The following TNIK variants were observed in gnomAD, a reference collection of about 807,000 sequenced individuals.
TNIK encodes the protein TRAF2 and NCK interacting kinase.
TNIK carries 49 observed loss-of-function variants against 191.3 expected under a neutral mutation model. The observed-to-expected ratio is 0.26, with a 90% CI of 0.20 to 0.32. The LOEUF is 0.32. TNIK is among the 10% of genes least tolerant of loss of function. The pLI is 1.00. For synonymous variants in TNIK, 594 were observed against 600.9 expected (o/e 0.99, Z 0.17); for missense variants, 1,155 against 1,702.3 (o/e 0.68, Z 5.66).
At chr3:171,433,407 T>C (rs1725611005) in intron 1 of TNIK, among the ~76,000 whole-genome samples, 1 of 152,134 alleles carries the variant, frequency 6.6e-6, no homozygotes, top group African/African-American at 2.4e-5. Flanking sequence ...TCATACATAA[T>C]TGAGCAAACA....
At chr3:171,242,677 A>C (rs1361768432) in intron 2 of TNIK, among the ~76,000 whole-genome samples, 1 of 152,204 alleles carries the variant, frequency 6.6e-6, no homozygotes, top group African/African-American at 2.4e-5. Context: ...AATATACCTC[A>C]TGATATCCCA....
chr3:171,346,382 T>A lies in TNIK; in HGVS notation c.123+23238A>T, dbSNP rs534315952. ...ATTAAACATTTTCTGATGACTTGGA[T>A]ATGTAAGTATGATTCCTTATTTATT... On this transcript the variant is annotated intron_variant, in intron 2 of 32. Coordinates refer to ENST00000436636, the MANE Select transcript of TNIK (RefSeq NM_015028.4). 1.1e-4 allele frequency among the ~76,000 whole-genome samples: 17 copies of A among 152,290 alleles called. No individual in the cohort carries two copies. In the South Asian group the frequency reaches 3.5e-3, roughly 32 times the overall value.
intron 1 of TNIK, among the ~76,000 whole-genome samples, chr3:171,388,008 C>A (rs1420067370): frequency 2.0e-5 from 3 of 152,034 alleles, no homozygotes; most frequent in African/African-American, 7.3e-5. Context: ...GGGAGCAGAT[C>A]TTTCCAAAGA....
In TNIK at chr3:171,226,459, C is replaced by T. The variant is rs377636288; in HGVS notation, c.180+1706G>A. Among the ~76,000 whole-genome samples, 3 of 152,322 alleles carry T rather than the reference C, an allele frequency of 2.0e-5. No homozygotes were observed. The South Asian group carries it at 6.2e-4, about 32-fold the overall frequency. Reference sequence around the variant, plus strand: ...AAACATCCTTCACTCTACCATATCACTGACATACATCCCTAGGCTGTCCAC... The same window carrying T: ...AAACATCCTTCACTCTACCATATCATTGACATACATCCCTAGGCTGTCCAC... On this transcript the variant is annotated intron_variant, in intron 3 of 32. Coordinates refer to ENST00000436636, the MANE Select transcript of TNIK (RefSeq NM_015028.4).
chr3:171,066,485 T>C, intron 31 of TNIK, 91 bp downstream of exon 31: 1 of 1,505,926 alleles, frequency 6.6e-7, no homozygotes, highest in Non-Finnish European at 9.0e-7. Context: ...TTTTTTTTTT[T>C]TGTGGAATCA....
At chr3:171,370,738 T>G (rs1716379572) in intron 1 of TNIK, among the ~76,000 whole-genome samples, 1 of 152,354 alleles carries the variant, frequency 6.6e-6, no homozygotes, top group African/African-American at 2.4e-5. Flanking sequence ...GAGCCACTTG[T>G]TGTCTTGTCA....
chr3:171,308,973 A>G (rs1389965511), intron 2 of TNIK, among the ~76,000 whole-genome samples: 5 of 152,282 alleles, frequency 3.3e-5, no homozygotes, highest in East Asian at 1.9e-4. Flanking sequence ...TTTTGCCACT[A>G]TGGAAAGCAG....
chr3:171,185,888 G>A (rs867745983), intron 7 of TNIK, among the ~76,000 whole-genome samples: 8 of 151,902 alleles, frequency 5.3e-5, no homozygotes, highest in Admixed American at 2.0e-4. Context: ...AATAAAGTCC[G>A]GTGGCCAAGT....
chr3:171,251,416 T>C (rs1257210824), intron 2 of TNIK, among the ~76,000 whole-genome samples: 1 of 152,218 alleles, frequency 6.6e-6, no homozygotes, highest in Non-Finnish European at 1.5e-5. Context: ...AACTGATAGC[T>C]AGGCCCAGAA....
intron 8 of TNIK, among the ~76,000 whole-genome samples, chr3:171,176,728 C>G (rs1478483367): frequency 6.6e-6 from 1 of 152,202 alleles, no homozygotes; most frequent in Non-Finnish European, 1.5e-5. Flanking sequence ...ATTGCAGCAG[C>G]TGGGGCTGAC....
chr3:171,129,166 T>C (rs901923277), intron 15 of TNIK, among the ~76,000 whole-genome samples: 1 of 152,132 alleles, frequency 6.6e-6, no homozygotes, highest in South Asian at 2.1e-4. Context: ...CTTGTATTGA[T>C]TGTGATATTA....
chr3:171,237,137 C>G (rs1744371788), intron 2 of TNIK, among the ~76,000 whole-genome samples: 1 of 152,100 alleles, frequency 6.6e-6, no homozygotes, highest in South Asian at 2.1e-4. Flanking sequence ...AGGCAAAGGA[C>G]CACAGTGTTC....
intron 2 of TNIK, among the ~76,000 whole-genome samples, chr3:171,348,938 C>G (rs961345141): frequency 6.6e-6 from 1 of 151,090 alleles, no homozygotes; most frequent in Non-Finnish European, 1.5e-5. Context: ...ACGGTAGCAA[C>G]GAATTTTCTT....
intron 4 of TNIK, among the ~76,000 whole-genome samples, chr3:171,201,956 A>G (rs1019068790): frequency 6.6e-6 from 1 of 152,202 alleles, no homozygotes; most frequent in Non-Finnish European, 1.5e-5. Flanking sequence ...GCTTCTGGAT[A>G]GTGAACAACT....
At chr3:171,191,068 T>C (rs1357739506) in intron 5 of TNIK, among the ~76,000 whole-genome samples, 1 of 152,172 alleles carries the variant, frequency 6.6e-6, no homozygotes, top group Non-Finnish European at 1.5e-5. Context: ...ACACAAGTAA[T>C]TATACGGTTC....
At chr3:171,411,401 A>G (rs773759964) in intron 1 of TNIK, among the ~76,000 whole-genome samples, 7 of 152,110 alleles carry the variant, frequency 4.6e-5, no homozygotes, top group East Asian at 1.9e-4. Flanking sequence ...AGTTTGGGGA[A>G]TTTATTAGAA....
intron 2 of TNIK, among the ~76,000 whole-genome samples, chr3:171,247,201 A>G (rs1029747680): frequency 3.9e-5 from 6 of 152,020 alleles, no homozygotes. Context: ...CATCTTCCCC[A>G]CTCCTTGCCC....
intron 5 of TNIK, among the ~76,000 whole-genome samples, chr3:171,192,406 C>G (rs1294940123): frequency 1.3e-5 from 2 of 152,156 alleles, no homozygotes; most frequent in African/African-American, 4.8e-5. Flanking sequence ...CCTCCAAAAC[C>G]TCTTGTGGCC....
chr3:171,184,592 A>T (rs1737127517), intron 7 of TNIK, among the ~76,000 whole-genome samples: 1 of 152,146 alleles, frequency 6.6e-6, no homozygotes, highest in African/African-American at 2.4e-5. Context: ...TCGAATAGGG[A>T]AGGACCTTTG....
Sources: allele counts gnomAD v4.1 joint callset (sites outside exome capture counted in the v4.1 genomes callset), GRCh38; gene constraint gnomAD v4.1.1; transcripts MANE v1.5; gene names NCBI Gene and HGNC (gene_info 2026-07-23, HGNC 2026-07-21).